The following JARID2 variants were observed in gnomAD, a reference collection of about 807,000 sequenced individuals.
The protein encoded by JARID2 is jumonji and AT-rich interaction domain containing 2.
In JARID2, 21 loss-of-function variants were observed where a neutral mutation model predicts 125.6. That is an observed-to-expected ratio of 0.17 (90% CI 0.12 to 0.24). JARID2 has a LOEUF of 0.24. JARID2 is among the 10% of genes least tolerant of loss of function. The probability of loss-of-function intolerance (pLI) is 1.00; values close to 1 mark genes in which losing one functional copy is unlikely to be tolerated. For synonymous variants in JARID2, 736 were observed against 661.6 expected (o/e 1.11, Z -1.73); for missense variants, 1,303 against 1,639.6 (o/e 0.79, Z 3.55).
intron 3 of JARID2, among the ~76,000 whole-genome samples, chr6:15,418,811 CAT>C (rs1374946962): frequency 6.6e-6 from 1 of 152,162 alleles, no homozygotes; most frequent in Non-Finnish European, 1.5e-5. Context: ...GATATGAAGA[CAT>C]GTTGAAAGTG....
chr6:15,315,960 C>T (rs1762166025), intron 1 of JARID2, among the ~76,000 whole-genome samples: 1 of 151,774 alleles, frequency 6.6e-6, no homozygotes. Context: ...TGACTGAGGG[C>T]ATAAGCTGGA....
intron 2 of JARID2, among the ~76,000 whole-genome samples, chr6:15,405,577 A>C (rs1272978416): frequency 6.6e-6 from 1 of 152,168 alleles, no homozygotes; most frequent in East Asian, 1.9e-4. Flanking sequence ...AATAGAGGAG[A>C]ACAAATGCTA....
At chr6:15,290,496 C>T (rs1487294015) in intron 1 of JARID2, among the ~76,000 whole-genome samples, 2 of 150,748 alleles carry the variant, frequency 1.3e-5, no homozygotes, top group African/African-American at 2.5e-5. Flanking sequence ...GCAAGTGTTC[C>T]AGTTGTTCCA....
intron 1 of JARID2, among the ~76,000 whole-genome samples, chr6:15,282,581 C>G (rs1760796794): frequency 6.8e-6 from 1 of 146,478 alleles, no homozygotes; most frequent in Non-Finnish European, 1.5e-5. Flanking sequence ...TCTTTTGTCT[C>G]TCCCCCTCTC....
chr6:15,326,938 G>A (rs1424520045), intron 1 of JARID2, among the ~76,000 whole-genome samples: 1 of 152,172 alleles, frequency 6.6e-6, no homozygotes, highest in African/African-American at 2.4e-5. Flanking sequence ...ATTGATACTG[G>A]TTGGGTTGAT....
chr6:15,399,369 C>G lies in JARID2; in HGVS notation c.182-10855C>G, dbSNP rs561412483. The stretch of plus-strand genomic sequence containing the variant: ...ACAAACTTGTTTTTAGCCACAGTTT[C>G]ATCATCTATGAAGTGGGGGAATTGT... On this transcript the variant is annotated intron_variant, in intron 2 of 17. Transcript: ENST00000341776. Among the ~76,000 whole-genome samples, 3 of 152,256 alleles carry G rather than the reference C, an allele frequency of 2.0e-5. No homozygotes were observed. The East Asian group carries it at 5.8e-4, about 29-fold the overall frequency.
chr6:15,313,888 G>C (rs940346933), intron 1 of JARID2, among the ~76,000 whole-genome samples: 1 of 152,098 alleles, frequency 6.6e-6, no homozygotes, highest in Non-Finnish European at 1.5e-5. Flanking sequence ...AGTAGACATT[G>C]GTAATTACCT....
At chr6:15,387,899 C>G (rs188305496) in intron 2 of JARID2, among the ~76,000 whole-genome samples, 1 of 152,226 alleles carries the variant, frequency 6.6e-6, no homozygotes, top group Non-Finnish European at 1.5e-5. Context: ...GGAATCCTAT[C>G]TGTTTAACAG....
At chr6:15,383,370 T>TAGAGGGAAAGAAAC (rs1764664736) in intron 2 of JARID2, among the ~76,000 whole-genome samples, 1 of 151,826 alleles carries the variant, frequency 6.6e-6, no homozygotes, top group South Asian at 2.1e-4. Context: ...GCGGATGAAA[T>TAGAGGGAAAGAAAC]TAATAACTCC....
At chr6:15,327,562 T>TGC (rs761360571) in intron 1 of JARID2, among the ~76,000 whole-genome samples, 1 of 151,116 alleles carries the variant, frequency 6.6e-6, no homozygotes, top group Admixed American at 6.6e-5. Flanking sequence ...CGCGTGTGTG[T>TGC]GCGTGTGCAT....
intron 1 of JARID2, among the ~76,000 whole-genome samples, chr6:15,365,479 C>A (rs1297204442): frequency 6.6e-6 from 1 of 152,162 alleles, no homozygotes; most frequent in East Asian, 1.9e-4. Flanking sequence ...CTGACATGCT[C>A]AGACGCAAAA....
intron 6 of JARID2, 126 bp from the exon 7 acceptor site, chr6:15,496,006 A>G (rs960825498): frequency 2.6e-6 from 2 of 754,756 alleles, no homozygotes; most frequent in Non-Finnish European, 4.4e-6. Context: ...TCTTCTTATC[A>G]CACTACAGGC....
At chr6:15,499,374 T>C (rs760485850) in intron 7 of JARID2, among the ~76,000 whole-genome samples, 2 of 152,026 alleles carry the variant, frequency 1.3e-5, no homozygotes, top group Non-Finnish European at 2.9e-5. Flanking sequence ...AGGCCCTGAG[T>C]GGGAGTGATC....
chr6:15,273,949 G>A (rs77849576), intron 1 of JARID2, among the ~76,000 whole-genome samples: 1 of 141,424 alleles, frequency 7.1e-6, no homozygotes, highest in Non-Finnish European at 1.5e-5. Context: ...TTTTTTTTAA[G>A]ATGGAGTCTC....
At chr6:15,261,364 G>C (rs1759869571) in intron 1 of JARID2, among the ~76,000 whole-genome samples, 1 of 148,636 alleles carries the variant, frequency 6.7e-6, no homozygotes, top group South Asian at 2.1e-4. Flanking sequence ...GCCTGGGCTG[G>C]AGTGCAGTGG....
At chr6:15,486,805 A>AATTTTTTTTTTTTTT (rs766075740) in intron 5 of JARID2, among the ~76,000 whole-genome samples, 1 of 40,640 alleles carries the variant, frequency 2.5e-5, no homozygotes, top group Admixed American at 2.2e-4. Context: ...CTGAGAATAG[A>AATTTTTTTTTTTTTT]CTTTTTTTTT....
chr6:15,275,384 A>G (rs1760456473), intron 1 of JARID2, among the ~76,000 whole-genome samples: 1 of 152,116 alleles, frequency 6.6e-6, no homozygotes, highest in African/African-American at 2.4e-5. Context: ...CAGCTTCTTC[A>G]TTAGATACTG....
chr6:15,388,599 AT>A, intron 2 of JARID2, among the ~76,000 whole-genome samples: 2 of 148,354 alleles, frequency 1.3e-5, no homozygotes, highest in Non-Finnish European at 3.0e-5. Context: ...ATATATATAT[AT>A]AATTTTTCTA....
At chr6:15,276,237 T>C (rs980330758) in intron 1 of JARID2, among the ~76,000 whole-genome samples, 2 of 152,146 alleles carry the variant, frequency 1.3e-5, no homozygotes, top group East Asian at 1.9e-4. Flanking sequence ...TCCCCTCGAG[T>C]GTCCAGTCCA....
Sources: allele counts gnomAD v4.1 joint callset (sites outside exome capture counted in the v4.1 genomes callset), GRCh38; gene constraint gnomAD v4.1.1; transcripts MANE v1.5; gene names NCBI Gene and HGNC (gene_info 2026-07-23, HGNC 2026-07-21).